GTF2A1L: variants seen among roughly 807,000 people sequenced by gnomAD.
The protein encoded by GTF2A1L is TFIIA-alpha and beta-like factor.
Under a neutral mutation model 49.7 loss-of-function variants are expected in GTF2A1L, and 48 were observed. That is an observed-to-expected ratio of 0.97 (90% confidence interval 0.77 to 1.23). GTF2A1L has a LOEUF of 1.23. GTF2A1L is among the 50% of genes most tolerant of loss of function. The probability of loss-of-function intolerance (pLI) is 0.00; values close to 1 mark genes in which losing one functional copy is unlikely to be tolerated. For missense variants in GTF2A1L, 736 were observed against 564.8 expected (o/e 1.30, Z -3.07); for synonymous variants, 246 against 193.5 (o/e 1.27, Z -2.25).
intron 3 of GTF2A1L, among the ~76,000 whole-genome samples, chr2:48,621,636 T>C (rs1676004041): frequency 6.6e-6 from 1 of 152,180 alleles, no homozygotes; most frequent in Non-Finnish European, 1.5e-5. Context: ...GAGGGAAAGG[T>C]GAGTGCTTGC....
rs756231035 is a variant in GTF2A1L, at chr2:48,626,104, C to T, written c.247+4814C>T. On this transcript the variant is annotated intron_variant, in intron 3 of 8. Coordinates refer to ENST00000403751, the MANE Select transcript of GTF2A1L (RefSeq NM_006872.5). ...GTGTGTGGAAATTCACTTCTTCCAC[C>T]AACAACCATTTATTGAAGAAACTAT... 1.4e-5 allele frequency among the ~76,000 whole-genome samples: 2 copies of T among 143,868 alleles called. 1 individual carries two copies. The highest frequency in any genetic ancestry group is 3.1e-5 in the Non-Finnish European group (2 of 63,990). 94.4% of individuals were successfully genotyped at this position (143,868 alleles called of 152,430 possible).
At chr2:48,676,931 T>C (rs77045429) in intron 8 of GTF2A1L, among the ~76,000 whole-genome samples, 3 of 151,662 alleles carry the variant, frequency 2.0e-5, no homozygotes, top group Non-Finnish European at 3.0e-5. Flanking sequence ...TTTTATTTTT[T>C]TTTTTCCAGG....
chr2:48,636,354 A>C (rs1292166722), intron 3 of GTF2A1L, among the ~76,000 whole-genome samples: 1 of 152,228 alleles, frequency 6.6e-6, no homozygotes, highest in Non-Finnish European at 1.5e-5. Flanking sequence ...GAAATTTAGT[A>C]TAATAATTCT....
At chr2:48,661,370 C>A (rs1678491346) in intron 6 of GTF2A1L, among the ~76,000 whole-genome samples, 1 of 149,246 alleles carries the variant, frequency 6.7e-6, no homozygotes, top group Admixed American at 6.8e-5. Flanking sequence ...TCTCCTGCCT[C>A]AGCCTCCTGA....
At chr2:48,643,107 G>T (rs1330420561) in intron 4 of GTF2A1L, among the ~76,000 whole-genome samples, 1 of 151,446 alleles carries the variant, frequency 6.6e-6, no homozygotes, top group Non-Finnish European at 1.5e-5. Flanking sequence ...TAATTTTGAG[G>T]TTTTTTTTCA....
At chr2:48,618,102 C>T (rs1338247336) in intron 1 of GTF2A1L, 3 of 548,314 alleles carry the variant, frequency 5.5e-6, no homozygotes, top group Middle Eastern at 2.8e-4. Context: ...GGGCCAGCCC[C>T]GCCAAAAGAA....
intron 1 of GTF2A1L, among the ~76,000 whole-genome samples, chr2:48,619,757 A>C (rs1389796524): frequency 6.6e-6 from 1 of 152,234 alleles, no homozygotes; most frequent in Non-Finnish European, 1.5e-5. Flanking sequence ...TAGTTTATAT[A>C]GATATGAAGG....
intron 6 of GTF2A1L, among the ~76,000 whole-genome samples, chr2:48,663,191 T>C (rs35803851): frequency 0.081 from 12,396 of 152,242 alleles, 613 homozygotes; most frequent in Non-Finnish European, 0.11. Flanking sequence ...CCCAGTACTT[T>C]GGGAGGCTGA....
At chr2:48,648,913 AT>A (rs1421350052) in intron 6 of GTF2A1L, among the ~76,000 whole-genome samples, 2 of 152,110 alleles carry the variant, frequency 1.3e-5, no homozygotes, top group Non-Finnish European at 2.9e-5. Flanking sequence ...TGCTGAACTA[AT>A]TTTCAAAGAC....
At chr2:48,642,052 A>G (rs995480861) in intron 3 of GTF2A1L, among the ~76,000 whole-genome samples, 2 of 152,214 alleles carry the variant, frequency 1.3e-5, no homozygotes, top group African/African-American at 4.8e-5. Flanking sequence ...TTTATGCTCA[A>G]TATTATAGTC....
At chr2:48,647,226 C>G in intron 6 of GTF2A1L, 184 bp downstream of exon 6, 1 of 536,994 alleles carries the variant, frequency 1.9e-6, no homozygotes, top group Non-Finnish European at 3.1e-6. Context: ...ATACACGTAA[C>G]ATAAAGTTTA....
Position 48,679,465 on chromosome 2 carries a change from A to G in GTF2A1L, c.*23A>G, listed in dbSNP as rs1223500233. 6.2e-7 allele frequency: 1 copy of G among 1,610,890 alleles called. No individual in the cohort carries two copies. The highest frequency in any genetic ancestry group is 1.1e-5 in the South Asian group (1 of 90,678). The stretch of plus-strand genomic sequence containing the variant: ...TAAACCTTGTGAGCTCAGTACATCT[A>G]TTTTGTGAACATCAGTTGGATTATA... On this transcript the variant is annotated 3_prime_UTR_variant, in exon 9 of 9. Coordinates refer to ENST00000403751, the MANE Select transcript of GTF2A1L (RefSeq NM_006872.5).
At position 48,652,731 on chromosome 2, in the gene GTF2A1L, G is replaced by T. The variant is rs562841929; in HGVS notation, c.978+5689G>T. ...TATTTTTGAGATGGAGTCTCGCTCT[G>T]TCGCCCAGACTGGAGTGCAGTGGTG... On this transcript the variant is annotated intron_variant, in intron 6 of 8. Coordinates refer to ENST00000403751, the MANE Select transcript of GTF2A1L (RefSeq NM_006872.5). 2.0e-5 allele frequency among the ~76,000 whole-genome samples: 3 copies of T among 151,120 alleles called. No homozygotes were observed. In the South Asian group the frequency reaches 6.4e-4, roughly 32 times the overall value.
Position 48,671,651 on chromosome 2 carries a change from G to C in GTF2A1L, c.1300G>C (p.Asp434His). The stretch of plus-strand genomic sequence containing the variant: ...GGATGTGCCAGACCTGTTTGACACG[G>C]ATAATGTTATTGTCTGTCAGTATGA... Reference protein sequence around the residue: ...EQDVPDLFDTDNVIVCQYDKI... With the variant: ...EQDVPDLFDTHNVIVCQYDKI... Residue 434 changes from aspartate to histidine, a missense_variant, in exon 8 of 9, where the codon GAT becomes CAT. By Grantham distance (81) the Asp-to-His change is moderately conservative. Transcript: ENST00000403751. 6.2e-7 allele frequency: 1 copy of C among 1,613,590 alleles called. No homozygotes were observed. Among genetic ancestry groups the C allele is most frequent in the Non-Finnish European group, 8.5e-7 (1 of 1,179,642 alleles).
chr2:48,640,626 C>G (rs1406913713), intron 3 of GTF2A1L, among the ~76,000 whole-genome samples: 1 of 152,124 alleles, frequency 6.6e-6, no homozygotes, highest in Non-Finnish European at 1.5e-5. Flanking sequence ...ACAAAATAAT[C>G]TGTAAAATCT....
At chr2:48,647,919 GA>G (rs919901737) in intron 6 of GTF2A1L, among the ~76,000 whole-genome samples, 2 of 152,074 alleles carry the variant, frequency 1.3e-5, no homozygotes, top group African/African-American at 2.4e-5. Flanking sequence ...TAGGACATGT[GA>G]AAAATACTTA....
intron 6 of GTF2A1L, among the ~76,000 whole-genome samples, chr2:48,653,797 G>A (rs184339890): frequency 2.4e-4 from 36 of 152,048 alleles, no homozygotes; most frequent in African/African-American, 8.2e-4. Context: ...GCTGGGCATG[G>A]TGGCACACAC....
Position 48,646,923 on chromosome 2 carries a change from C to T in GTF2A1L, c.859C>T (p.Leu287Phe). The T allele has an allele frequency of 1.9e-6, 3 of 1,614,152 alleles. No individual in the cohort carries two copies. The highest frequency in any genetic ancestry group is 2.5e-6 in the Non-Finnish European group (3 of 1,180,028). ...ESLSTSPHGA[L>F]HQHVTDIQLH... ...CCTCTCCACAAGCCCTCATGGGGCT[C>T]TCCACCAGCACGTGACTGATATTCA... Residue 287 changes from leucine to phenylalanine, a missense_variant, in exon 6 of 9, where the codon CTC becomes TTC. Leu to Phe is a conservative substitution (Grantham distance 22). Coordinates refer to ENST00000403751, the MANE Select transcript of GTF2A1L (RefSeq NM_006872.5).
Position 48,679,597 on chromosome 2 carries a change from T to G in GTF2A1L, c.*155T>G. 1 of 1,399,020 alleles carries G rather than the reference T, an allele frequency of 7.1e-7. No homozygotes were observed. Among genetic ancestry groups the G allele is most frequent in the East Asian group, 2.8e-5 (1 of 35,534 alleles). 86.7% of individuals were successfully genotyped at this position (1,399,020 alleles called of 1,614,324 possible). On this transcript the variant is annotated 3_prime_UTR_variant, in exon 9 of 9. Coordinates refer to ENST00000403751, the MANE Select transcript of GTF2A1L (RefSeq NM_006872.5). ...AATAAAATTATAATTCAGATGCAGA[T>G]ACAATTACACAATTTTATATGTATT... is the stretch of plus-strand genomic sequence containing the variant.
Sources: gnomAD v4.1 joint callset for allele counts (sites outside exome capture counted in the v4.1 genomes callset) on GRCh38, gnomAD v4.1.1 for gene constraint, MANE v1.5 for transcripts, NCBI Gene and HGNC (gene_info 2026-07-23, HGNC 2026-07-21) for gene names.